Variants in RGS6 observed in about 807,000 individuals in gnomAD.
RGS6 encodes regulator of G protein signaling 6.
In RGS6, 30 loss-of-function variants were observed where a neutral mutation model predicts 78.5. The observed-to-expected ratio is 0.38, with a 90% CI of 0.29 to 0.52. The LOEUF (loss-of-function observed/expected upper bound fraction) is 0.52, where lower values mean the gene tolerates loss of function less well. Among genes scored for constraint, RGS6 ranks in the 20% least tolerant of loss-of-function variants. RGS6 has a pLI of 0.85. For synonymous variants in RGS6, 206 were observed against 206.0 expected, an observed-to-expected ratio of 1.00 and a Z score of 0.00; for missense variants, 495 against 609.7, an observed-to-expected ratio of 0.81 and a Z score of 1.98.
chr14:72,363,999 T>TAA (rs55943058), intron 3 of RGS6, among the ~76,000 whole-genome samples: 6,111 of 46,640 alleles, frequency 0.13, 999 homozygotes, highest in African/African-American at 0.18. Context: ...TGGACAAGGC[T>TAA]AAAAAAAAAA....
chr14:71,931,568 T>C (rs1189926574), upstream of RGS6, among the ~76,000 whole-genome samples: 1 of 152,208 alleles, frequency 6.6e-6, no homozygotes, highest in Non-Finnish European at 1.5e-5. Context: ...ATTTCAAGTA[T>C]TTTTCCCCTT....
chr14:72,314,186 G>T (rs1488100980), intron 2 of RGS6, among the ~76,000 whole-genome samples: 3 of 152,136 alleles, frequency 2.0e-5, no homozygotes, highest in African/African-American at 7.2e-5. Flanking sequence ...CTGTGTTCGG[G>T]GTTGGAAGTT....
At chr14:72,031,906 C>G (rs564676207) in intron 2 of RGS6, among the ~76,000 whole-genome samples, 1 of 152,234 alleles carries the variant, frequency 6.6e-6, no homozygotes, top group African/African-American at 2.4e-5. Context: ...ACAGAGTTAG[C>G]CCATTTTAAT....
chr14:72,405,779 A>G (rs6574073), intron 3 of RGS6, among the ~76,000 whole-genome samples: 41,123 of 152,066 alleles, frequency 0.27, 5,819 homozygotes, highest in South Asian at 0.34. Context: ...TGCTGGAAGA[A>G]TCCCTGGCAG....
At chr14:72,571,580 C>T in the RGS6 span, among the ~76,000 whole-genome samples, 2 of 152,146 alleles carry the variant, frequency 1.3e-5, no homozygotes, top group African/African-American at 2.4e-5. Flanking sequence ...GGGAAAGAAT[C>T]ATCTTTTCAA....
intron 2 of RGS6, among the ~76,000 whole-genome samples, chr14:72,213,428 C>T (rs866978419): frequency 6.6e-6 from 1 of 152,156 alleles, no homozygotes; most frequent in African/African-American, 2.4e-5. Context: ...TCCAAACTCC[C>T]TTTCTCTGTC....
At chr14:71,878,301 G>A in the RGS6 span, among the ~76,000 whole-genome samples, 3 of 152,212 alleles carry the variant, frequency 2.0e-5, no homozygotes, top group South Asian at 6.2e-4. Context: ...GAGGCAGGCA[G>A]GCCTCCTTTA....
intron 2 of RGS6, among the ~76,000 whole-genome samples, chr14:72,067,921 G>A (rs1427012197): frequency 2.0e-5 from 3 of 152,118 alleles, no homozygotes; most frequent in Non-Finnish European, 4.4e-5. Context: ...GTGCTACCAC[G>A]AAGCTGCTGA....
At chr14:72,619,787 C>T in the RGS6 span, 1 of 1,008,078 alleles carries the variant, frequency 9.9e-7, no homozygotes, top group Non-Finnish European at 1.4e-6. Context: ...TTAAATGAGA[C>T]AAGACATGAA....
chr14:72,333,694 T>C (rs959067666), intron 2 of RGS6, among the ~76,000 whole-genome samples: 2 of 152,196 alleles, frequency 1.3e-5, no homozygotes, highest in African/African-American at 2.4e-5. Flanking sequence ...GCACCCATAC[T>C]GTGTGCTAGA....
chr14:72,158,618 G>A (rs1178204394), intron 2 of RGS6, among the ~76,000 whole-genome samples: 1 of 152,088 alleles, frequency 6.6e-6, no homozygotes, highest in Non-Finnish European at 1.5e-5. Context: ...CCTGGTACCT[G>A]TTATATCATC....
At chr14:71,943,593 G>T (rs949767393) in intron 1 of RGS6, among the ~76,000 whole-genome samples, 1 of 152,176 alleles carries the variant, frequency 6.6e-6, no homozygotes, top group Non-Finnish European at 1.5e-5. Flanking sequence ...ATCTAAGTGG[G>T]AGAAGGCAGC....
intron 2 of RGS6, among the ~76,000 whole-genome samples, chr14:71,981,874 C>A (rs1302512318): frequency 6.9e-6 from 1 of 145,514 alleles, no homozygotes. Context: ...GGTGGGCACC[C>A]CTCCCCCAGC....
intron 3 of RGS6, among the ~76,000 whole-genome samples, chr14:72,418,354 A>G (rs766651092): frequency 2.0e-5 from 3 of 152,058 alleles, no homozygotes; most frequent in Non-Finnish European, 4.4e-5. Context: ...TTTAGTAGAG[A>G]TGGGGTTTCA....
chr14:72,598,821 G>A, the RGS6 span, among the ~76,000 whole-genome samples: 1 of 152,182 alleles, frequency 6.6e-6, no homozygotes, highest in South Asian at 2.1e-4. Context: ...CCTATTCCTG[G>A]CCCATTCCTT....
intron 2 of RGS6, among the ~76,000 whole-genome samples, chr14:72,035,650 A>G (rs1393061209): frequency 6.6e-6 from 1 of 152,066 alleles, no homozygotes; most frequent in African/African-American, 2.4e-5. Context: ...TATGTTTTGC[A>G]ATGTGAATCT....
chr14:71,971,214 A>G (rs1367781430), intron 2 of RGS6, among the ~76,000 whole-genome samples: 1 of 152,202 alleles, frequency 6.6e-6, no homozygotes. Context: ...TGTCTGCCCC[A>G]GAGGCTGAGC....
At chr14:72,027,418 T>C (rs2090090732) in intron 2 of RGS6, among the ~76,000 whole-genome samples, 1 of 152,182 alleles carries the variant, frequency 6.6e-6, no homozygotes, top group Admixed American at 6.5e-5. Flanking sequence ...TCAAAGATCC[T>C]GTAGATCTAG....
intron 1 of RGS6, among the ~76,000 whole-genome samples, chr14:71,944,542 A>C (rs2091188497): frequency 6.6e-6 from 1 of 152,228 alleles, no homozygotes; most frequent in African/African-American, 2.4e-5. Context: ...GTTAAATGAT[A>C]GTTTAGGAAA....
Sources: allele counts gnomAD v4.1 joint callset (sites outside exome capture counted in the v4.1 genomes callset), GRCh38; gene constraint gnomAD v4.1.1; transcripts MANE v1.5; gene names NCBI Gene and HGNC (gene_info 2026-07-23, HGNC 2026-07-21).